PRKCD: variants seen among roughly 807,000 people sequenced by gnomAD.
The protein encoded by PRKCD is protein kinase C delta.
In PRKCD, 20 loss-of-function variants were observed where a neutral mutation model predicts 82.2. The observed-to-expected ratio is 0.24, with a 90% CI of 0.17 to 0.35. The LOEUF is 0.35. Ranked by LOEUF, PRKCD falls within the 10% of genes least tolerant of loss-of-function variation. The pLI is 1.00. For missense variants in PRKCD, 607 were observed against 899.0 expected (o/e 0.68, Z 4.15); for synonymous variants, 317 against 337.0 (o/e 0.94, Z 0.65).
In PRKCD at chr3:53,169,190, G is replaced by A. The variant is rs1702935207; in HGVS notation, c.-20+3975G>A. On this transcript the variant is annotated intron_variant, in intron 2 of 18. Transcript: ENST00000330452. The surrounding 1 kb of genome is among the most constrained non-coding windows in gnomAD (Gnocchi z 4.7). The stretch of plus-strand genomic sequence containing the variant: ...CCTAGTGGATGAGGAGCGCTGGGAG[G>A]GGAACGGCGGGGGACTGGTGTGGGC... Among the ~76,000 whole-genome samples the A allele has an allele frequency of 6.6e-6, 1 of 152,134 alleles. No individual in the cohort carries two copies. The highest frequency in any genetic ancestry group is 2.1e-4 in the South Asian group (1 of 4,834).
chr3:53,183,099 C>T (rs1703513634), intron 7 of PRKCD, 22 bp from the exon 8 acceptor site: 2 of 1,613,438 alleles, frequency 1.2e-6, no homozygotes, highest in Non-Finnish European at 1.7e-6. Context: ...CCTTCCCCCT[C>T]CTGGGCCTGT....
rs556006152 is a variant in PRKCD at position 53,187,517 on chromosome 3, C to T, written c.1415+115C>T. ...CTCCAGTTCCTTCTCTGCTGGAAAT[C>T]AATCTTTAGCTGGGTATTTGCCTAT... On this transcript the variant is annotated intron_variant, in intron 15 of 18. Coordinates refer to ENST00000330452, the MANE Select transcript of PRKCD (RefSeq NM_006254.4). 5.6e-4 allele frequency: 681 copies of T among 1,209,336 alleles called. 1 individual carries two copies. The highest frequency in any genetic ancestry group is 6.6e-4 in the Non-Finnish European group (565 of 854,574). 74.9% of individuals were successfully genotyped at this position (1,209,336 alleles called of 1,614,324 possible). A position where few individuals can be genotyped will look rare whatever the true frequency, so the allele number is the denominator to read the frequency against.
At chr3:53,171,280 C>T (rs1244164440) in intron 2 of PRKCD, among the ~76,000 whole-genome samples, 2 of 152,188 alleles carry the variant, frequency 1.3e-5, no homozygotes, top group Admixed American at 6.5e-5. Context: ...GCTGGTGACT[C>T]GAGGCCTGTG....
rs1003811038 is a variant in PRKCD, at chr3:53,183,981, G to A, written c.787+400G>A. Among the ~76,000 whole-genome samples, 4 of 151,964 alleles carry A rather than the reference G, an allele frequency of 2.6e-5. No homozygotes were observed. The South Asian group carries it at 8.3e-4, about 31-fold the overall frequency. On this transcript the variant is annotated intron_variant, in intron 9 of 18. Coordinates refer to ENST00000330452, the MANE Select transcript of PRKCD (RefSeq NM_006254.4). ...GGAAAGCGGCTTAAGTTGACCAGAT[G>A]TTCTTTAAAGGGTTTCGAATTAGGT...
At chr3:53,168,378 A>T (rs1702902119) in intron 2 of PRKCD, among the ~76,000 whole-genome samples, 2 of 152,092 alleles carry the variant, frequency 1.3e-5, no homozygotes, top group Admixed American at 6.5e-5. Flanking sequence ...GAGGCTGGGG[A>T]TGAGGAGTGT....
At position 53,186,319 on chromosome 3, in the gene PRKCD, C is replaced by T; in HGVS notation, c.1239C>T (p.Leu413=). 1 of 1,614,126 alleles carries T rather than the reference C, an allele frequency of 6.2e-7. No homozygotes were observed. Residue 413 remains leucine, a synonymous_variant, in exon 13 of 19, where the codon CTC becomes CTT. Coordinates refer to ENST00000330452, the MANE Select transcript of PRKCD (RefSeq NM_006254.4). ...CAGAGAATCCCTTTCTCACCCACCT[C>T]ATCTGCACCTTCCAGACCAAGGTGC... The part of the protein sequence containing the change: ...LAAENPFLTH[L]ICTFQTKDHL...
intron 9 of PRKCD, 69 bp downstream of exon 9, chr3:53,183,650 A>C (rs1703554355): frequency 6.3e-7 from 1 of 1,583,814 alleles, no homozygotes; most frequent in Non-Finnish European, 8.6e-7. Context: ...AATTCCAGCC[A>C]CCTCACGCCA....
At chr3:53,186,138 C>T in intron 12 of PRKCD, 29 bp from the exon 13 acceptor site, 1 of 1,611,258 alleles carries the variant, frequency 6.2e-7, no homozygotes, top group Non-Finnish European at 8.5e-7. Flanking sequence ...CCCGTCCTCA[C>T]CTGCTCAGCA....
intron 1 of PRKCD, among the ~76,000 whole-genome samples, chr3:53,162,617 CTGTT>C (rs1553663222): frequency 2.6e-5 from 4 of 151,954 alleles, no homozygotes; most frequent in South Asian, 2.1e-4. Flanking sequence ...GTGTGTATGT[CTGTT>C]TGTGTCCTGA....
At chr3:53,165,966 C>T (rs1553663784) in intron 2 of PRKCD, among the ~76,000 whole-genome samples, 3 of 152,156 alleles carry the variant, frequency 2.0e-5, no homozygotes, top group African/African-American at 7.2e-5. Flanking sequence ...GTGACCGGGC[C>T]CCAGTGAACA....
At chr3:53,184,690 A>AAGAGAGAG (rs1158515006) in intron 9 of PRKCD, among the ~76,000 whole-genome samples, 184 bp from the exon 10 acceptor site, 1 of 148,812 alleles carries the variant, frequency 6.7e-6, no homozygotes, top group Non-Finnish European at 1.5e-5. Context: ...AAAAAAAAAA[A>AAGAGAGAG]AGAGAGAGAG....
intron 18 of PRKCD, among the ~76,000 whole-genome samples, chr3:53,191,554 A>G (rs1703926716): frequency 6.6e-6 from 1 of 152,222 alleles, no homozygotes; most frequent in Admixed American, 6.5e-5. Flanking sequence ...CCATCCCATC[A>G]TATCCTCAGG....
intron 1 of PRKCD, among the ~76,000 whole-genome samples, chr3:53,162,523 T>C (rs150414320): frequency 1.6e-3 from 249 of 152,378 alleles, no homozygotes; most frequent in African/African-American, 5.7e-3. Context: ...TGTGTGTCTG[T>C]GTCAGCTTCT....
rs1575533920 is a variant in PRKCD at position 53,179,677 on chromosome 3, G to A, written c.216G>A (p.Val72=). 6.2e-7 allele frequency: 1 copy of A among 1,612,822 alleles called. No individual in the cohort carries two copies. The highest frequency in any genetic ancestry group is 8.5e-7 in the Non-Finnish European group (1 of 1,179,370). The change falls in exon 4 of 19, where the codon GTG becomes GTA. Residue 72 remains valine, a synonymous_variant. Coordinates refer to ENST00000330452, the MANE Select transcript of PRKCD (RefSeq NM_006254.4). ...ATGAGGGGCGCGTCATCCAGATTGT[G>A]CTAATGCGGGCAGCAGAGGAGCCAG... ...HIYEGRVIQI[V]LMRAAEEPVS...
intron 8 of PRKCD, 86 bp downstream of exon 8, chr3:53,183,292 G>A: frequency 6.4e-7 from 1 of 1,573,590 alleles, no homozygotes; most frequent in South Asian, 1.1e-5. Flanking sequence ...CCCTCCCTGG[G>A]GAGCTTACCC....
At chr3:53,181,646 G>A in intron 6 of PRKCD, 40 bp downstream of exon 6, 1 of 1,613,280 alleles carries the variant, frequency 6.2e-7, no homozygotes, top group Admixed American at 1.7e-5. Flanking sequence ...GTGCAGGGTA[G>A]TGGGGGCCGA....
intron 2 of PRKCD, among the ~76,000 whole-genome samples, chr3:53,167,265 G>A (rs954524152): frequency 2.2e-4 from 34 of 152,232 alleles, no homozygotes; most frequent in African/African-American, 8.2e-4. Flanking sequence ...TGGCCACCGG[G>A]TTAGGCTGAC....
chr3:53,175,012 G>T (rs926312273), intron 2 of PRKCD, among the ~76,000 whole-genome samples: 11 of 152,220 alleles, frequency 7.2e-5, no homozygotes, highest in African/African-American at 2.7e-4. Flanking sequence ...CTGACCCACT[G>T]TCTCCTCCAC....
intron 2 of PRKCD, among the ~76,000 whole-genome samples, chr3:53,174,157 T>C (rs1051677592): frequency 6.6e-5 from 10 of 152,260 alleles, no homozygotes; most frequent in African/African-American, 2.2e-4. Context: ...GCTAATGTAA[T>C]TACAGAGGTA....
Sources: allele counts gnomAD v4.1 joint callset (sites outside exome capture counted in the v4.1 genomes callset), GRCh38; gene constraint gnomAD v4.1.1; non-coding constraint Gnocchi (gnomAD v3.1); transcripts MANE v1.5; gene names NCBI Gene and HGNC (gene_info 2026-07-23, HGNC 2026-07-21).